Variants in DDX23 observed in about 807,000 individuals in gnomAD.
DDX23 encodes probable ATP-dependent RNA helicase DDX23.
A neutral mutation model predicts 102.7 loss-of-function variants in DDX23; 33 were observed. The ratio of observed to expected loss-of-function variants is 0.32; its 90% CI spans 0.24 to 0.43. The LOEUF (loss-of-function observed/expected upper bound fraction) is 0.43. Ranked by LOEUF, DDX23 falls within the 20% of genes least tolerant of loss-of-function variation. The probability of loss-of-function intolerance (pLI) is 1.00; values close to 1 mark genes in which losing one functional copy is unlikely to be tolerated. For missense variants in DDX23, 549 were observed against 1,086.6 expected, an observed-to-expected ratio of 0.51 and a Z score of 6.96; for synonymous variants, 352 against 376.0, an observed-to-expected ratio of 0.94 and a Z score of 0.74.
intron 1 of DDX23, 48 bp downstream of exon 1, chr12:48,852,036 G>C (rs542059513): frequency 6.6e-6 from 1 of 152,528 alleles, no homozygotes; most frequent in Non-Finnish European, 1.5e-5. Flanking sequence ...CCTGACTCTA[G>C]CCCTTTCTGT....
At chr12:48,833,887 A>G (rs1938427178) in intron 12 of DDX23, among the ~76,000 whole-genome samples, 1 of 152,198 alleles carries the variant, frequency 6.6e-6, no homozygotes, top group Non-Finnish European at 1.5e-5. Context: ...AAAATTGTAA[A>G]AAGACTAAAT....
chr12:48,830,754 G>T lies in DDX23; in HGVS notation c.2240-62C>A. On this transcript the variant is annotated intron_variant, in intron 16 of 16. Coordinates refer to ENST00000308025, the MANE Select transcript of DDX23 (RefSeq NM_004818.3). This position sits in a 1 kb window ranked among gnomAD's most constrained non-coding sequence, Gnocchi z 4.9. ...GATGCCCTGGGGAGCCGTGTCTGAT[G>T]CCTCCACTTCTAGAGGCATCCTTCC... 1 of 1,493,422 alleles carries T rather than the reference G, an allele frequency of 6.7e-7. No homozygotes were observed. Among genetic ancestry groups the T allele is most frequent in the South Asian group, 1.3e-5 (1 of 77,544 alleles). 92.5% of individuals were successfully genotyped at this position (1,493,422 alleles called of 1,614,324 possible). A position where few individuals can be genotyped will look rare whatever the true frequency, so the allele number is the denominator to read the frequency against.
Position 48,832,572 on chromosome 12 carries a change from GTC to G in DDX23, c.1804-1_1804del. On this transcript the variant is annotated splice_acceptor_variant and coding_sequence_variant, in exon 14 of 17. Transcript: ENST00000308025. This position sits in a 1 kb window ranked among gnomAD's most constrained non-coding sequence, Gnocchi z 4.4. ...GGGCATGGTGGCCGTGAACATGACT[GTC>G]TACGAAAACAGGAGGCTCAGCCCTG... The G allele has an allele frequency of 6.2e-7, 1 of 1,613,632 alleles. No homozygotes were observed. Among genetic ancestry groups the G allele is most frequent in the Non-Finnish European group, 8.5e-7 (1 of 1,179,650 alleles).
chr12:48,838,239 T>C (rs538592471), intron 5 of DDX23, among the ~76,000 whole-genome samples, 159 bp from the exon 6 acceptor site: 4 of 152,332 alleles, frequency 2.6e-5, no homozygotes, highest in African/African-American at 7.2e-5. Flanking sequence ...GACTGAACTA[T>C]GTCCCCTACA....
At position 48,843,862 on chromosome 12, in the gene DDX23, A is replaced by G. The variant is rs1032874864; in HGVS notation, c.320+78T>C. ...CACGCCTGGCGAGAAATCTACTTTC[A>G]TAAGAAGCTGAGCAAACTCAGGTGC... is the stretch of plus-strand genomic sequence containing the variant. On this transcript the variant is annotated intron_variant, in intron 3 of 16. Transcript: ENST00000308025. 1.2e-5 allele frequency: 18 copies of G among 1,509,186 alleles called. No homozygotes were observed. In the Admixed American group the frequency reaches 1.5e-4, roughly 13 times the overall value. 93.5% of individuals were successfully genotyped at this position (1,509,186 alleles called of 1,614,324 possible).
intron 3 of DDX23, among the ~76,000 whole-genome samples, chr12:48,840,633 A>G (rs1452250523): frequency 6.6e-6 from 1 of 150,848 alleles, no homozygotes; most frequent in Non-Finnish European, 1.5e-5. Context: ...GCTCACTGCA[A>G]CCTCCGCCTC....
At chr12:48,847,687 C>T (rs1025832299) in intron 1 of DDX23, among the ~76,000 whole-genome samples, 3 of 151,742 alleles carry the variant, frequency 2.0e-5, no homozygotes, top group East Asian at 1.9e-4. Context: ...AAATTAGCCA[C>T]GCATGGTGGT....
chr12:48,836,076 TC>T lies in DDX23; in HGVS notation c.1382+44del. On this transcript the variant is annotated intron_variant, in intron 11 of 16. Coordinates refer to ENST00000308025, the MANE Select transcript of DDX23 (RefSeq NM_004818.3). The surrounding 1 kb of genome is among the most constrained non-coding windows in gnomAD (Gnocchi z 6.1). ...AACATTCATTTGCCACTTTCACCTT[TC>T]CTACCCAGACAAACCCACTCCAGCT... The T allele has an allele frequency of 6.2e-7, 1 of 1,601,408 alleles. No homozygotes were observed. The highest frequency in any genetic ancestry group is 8.5e-7 in the Non-Finnish European group (1 of 1,171,048).
intron 1 of DDX23, among the ~76,000 whole-genome samples, chr12:48,851,827 G>A (rs931346712): frequency 5.3e-5 from 8 of 152,256 alleles, no homozygotes; most frequent in Non-Finnish European, 1.0e-4. Context: ...CAGACTGGGG[G>A]TATCAGAGGC....
intron 5 of DDX23, among the ~76,000 whole-genome samples, 180 bp from the exon 6 acceptor site, chr12:48,838,260 G>GT (rs982200526): frequency 2.6e-5 from 4 of 152,222 alleles, no homozygotes; most frequent in Admixed American, 2.0e-4. Flanking sequence ...GAATTCATAT[G>GT]TTTTTTCAGG....
chr12:48,849,533 G>C (rs567040512), intron 1 of DDX23, among the ~76,000 whole-genome samples: 1 of 152,178 alleles, frequency 6.6e-6, no homozygotes, highest in Admixed American at 6.5e-5. Flanking sequence ...GTGATGTCAG[G>C]CATCTGTAAT....
At chr12:48,847,583 A>T (rs1200662689) in intron 1 of DDX23, among the ~76,000 whole-genome samples, 1 of 151,950 alleles carries the variant, frequency 6.6e-6, no homozygotes, top group Admixed American at 6.6e-5. Flanking sequence ...TAATCTCAGC[A>T]CTTTGGGAGG....
Position 48,836,421 on chromosome 12 carries a change from G to C in DDX23, c.1236+148C>G. ...CCAAGAAGAAACCTAATCACTAAAA[G>C]CCAACACTTCTACCAGAAAGTGACA... On this transcript the variant is annotated intron_variant, in intron 10 of 16. Transcript: ENST00000308025. This position sits in a 1 kb window ranked among gnomAD's most constrained non-coding sequence, Gnocchi z 6.1. 2.4e-6 allele frequency: 3 copies of C among 1,235,248 alleles called. No individual in the cohort carries two copies. The highest frequency in any genetic ancestry group is 2.1e-5 in the Admixed American group (1 of 46,636). 76.5% of individuals were successfully genotyped at this position (1,235,248 alleles called of 1,614,324 possible). A position where few individuals can be genotyped will look rare whatever the true frequency, so the allele number is the denominator to read the frequency against.
intron 13 of DDX23, chr12:48,833,063 G>A (rs377423544): frequency 7.7e-5 from 48 of 624,156 alleles, no homozygotes; most frequent in South Asian, 5.5e-4. Flanking sequence ...AGCTCACTGC[G>A]ACCACTGCCT....
chr12:48,851,494 GAAA>G, intron 1 of DDX23, among the ~76,000 whole-genome samples: 1 of 151,542 alleles, frequency 6.6e-6, no homozygotes, highest in Non-Finnish European at 1.5e-5. Flanking sequence ...GAAAAGAAAA[GAAA>G]AAAAAGAACA....
At chr12:48,835,190 C>A in intron 11 of DDX23, 1 of 263,312 alleles carries the variant, frequency 3.8e-6, no homozygotes, top group South Asian at 3.5e-5. Context: ...TGCTGTAAGC[C>A]AAGATCACAC....
intron 3 of DDX23, among the ~76,000 whole-genome samples, chr12:48,842,364 T>A (rs1368704073): frequency 8.1e-6 from 1 of 123,210 alleles, no homozygotes; most frequent in Non-Finnish European, 1.7e-5. Flanking sequence ...GAGGAGCCTC[T>A]CTGCCCAGTC....
chr12:48,830,438 G>A lies in DDX23; in HGVS notation c.*31C>T. ...AAAACAGGCATCAGGCAGCTTTGGA[G>A]ATGCCCTCAGCCCACAGGAAGAGTG... On this transcript the variant is annotated 3_prime_UTR_variant, in exon 17 of 17. Transcript: ENST00000308025. This position sits in a 1 kb window ranked among gnomAD's most constrained non-coding sequence, Gnocchi z 4.9. 1 of 1,612,306 alleles carries A rather than the reference G, an allele frequency of 6.2e-7. No homozygotes were observed. Among genetic ancestry groups the A allele is most frequent in the Non-Finnish European group, 8.5e-7 (1 of 1,178,418 alleles).
At chr12:48,831,099 T>A (rs532151673) in intron 16 of DDX23, 43 bp downstream of exon 16, 1 of 1,610,030 alleles carries the variant, frequency 6.2e-7, no homozygotes, top group African/African-American at 1.3e-5. Flanking sequence ...CCATAAGGAA[T>A]CTGACTTCAC....
Sources: gnomAD v4.1 joint callset for allele counts (sites outside exome capture counted in the v4.1 genomes callset) on GRCh38, gnomAD v4.1.1 for gene constraint, Gnocchi (gnomAD v3.1) non-coding constraint, MANE v1.5 for transcripts, NCBI Gene and HGNC (gene_info 2026-07-23, HGNC 2026-07-21) for gene names.